Variants in SUCLG2 observed in about 807,000 individuals in gnomAD.
The protein encoded by SUCLG2 is succinate-CoA ligase GDP-forming subunit beta, also known as succinate--CoA ligase [GDP-forming] subunit beta, mitochondrial.
Under a neutral mutation model 47.9 loss-of-function variants are expected in SUCLG2, and 42 were observed. That is an observed-to-expected ratio of 0.88 (90% CI 0.69 to 1.14). The LOEUF is 1.14. Among genes scored for constraint, SUCLG2 ranks in the 50% most tolerant of loss-of-function variants. The pLI is 0.00. For missense variants in SUCLG2, 571 were observed against 525.9 expected (o/e 1.09, Z -0.84); for synonymous variants, 195 against 197.3 (o/e 0.99, Z 0.10).
At chr3:67,462,138 T>A (rs544894263) in intron 9 of SUCLG2, among the ~76,000 whole-genome samples, 1 of 152,216 alleles carries the variant, frequency 6.6e-6, no homozygotes, top group East Asian at 1.9e-4. Context: ...GCACTTTAGG[T>A]CTCAGAAGCA....
intron 9 of SUCLG2, among the ~76,000 whole-genome samples, chr3:67,441,283 G>A (rs1404946459): frequency 6.6e-6 from 1 of 151,950 alleles, no homozygotes; most frequent in African/African-American, 2.4e-5. Context: ...GTAGATGACA[G>A]GTTGATGGGT....
intron 4 of SUCLG2, among the ~76,000 whole-genome samples, 199 bp downstream of exon 4, chr3:67,527,933 T>C (rs145397629): frequency 0.013 from 1,915 of 152,288 alleles, 40 homozygotes; most frequent in African/African-American, 0.044. Flanking sequence ...TGATAATAAA[T>C]AATATTACTA....
intron 1 of SUCLG2, among the ~76,000 whole-genome samples, chr3:67,639,585 G>A (rs1231329771): frequency 6.6e-6 from 1 of 152,028 alleles, no homozygotes; most frequent in Non-Finnish European, 1.5e-5. Flanking sequence ...TGCCCTTAAA[G>A]AACCTTGAAG....
At chr3:67,548,961 G>A (rs549790485) in intron 2 of SUCLG2, among the ~76,000 whole-genome samples, 65 of 152,204 alleles carry the variant, frequency 4.3e-4, no homozygotes, top group Admixed American at 3.2e-3. Context: ...ATCAGTCACA[G>A]TCAATTATAT....
rs562038006 is a variant in SUCLG2, at chr3:67,477,141, C to T, written c.1062+18657G>A. ...CTGTATCACTCCTTCTCAAAGTGGC[C>T]GCACTGTGGCATCACCTGAACAGCT... On this transcript the variant is annotated intron_variant, in intron 9 of 10. Transcript: ENST00000307227. 3.9e-5 allele frequency among the ~76,000 whole-genome samples: 6 copies of T among 152,228 alleles called. No homozygotes were observed. The South Asian group carries it at 6.2e-4, about 16-fold the overall frequency.
intron 8 of SUCLG2, among the ~76,000 whole-genome samples, chr3:67,496,242 C>G (rs1005349617): frequency 2.6e-5 from 4 of 152,050 alleles, no homozygotes; most frequent in African/African-American, 9.7e-5. Context: ...CGATTTGGGC[C>G]AGTAGTAAAA....
At chr3:67,416,313 A>G (rs1214118319) in intron 9 of SUCLG2, among the ~76,000 whole-genome samples, 2 of 152,218 alleles carry the variant, frequency 1.3e-5, no homozygotes, top group South Asian at 4.1e-4. Context: ...AATAAAATGT[A>G]TATGCTTTTA....
intron 7 of SUCLG2, among the ~76,000 whole-genome samples, chr3:67,498,776 T>C (rs1705418999): frequency 6.6e-6 from 1 of 152,214 alleles, no homozygotes; most frequent in Non-Finnish European, 1.5e-5. Flanking sequence ...GTCTAGTATT[T>C]CCAAAAGATT....
chr3:67,504,463 T>C (rs1705584050), intron 7 of SUCLG2, among the ~76,000 whole-genome samples: 1 of 152,224 alleles, frequency 6.6e-6, no homozygotes, highest in Non-Finnish European at 1.5e-5. Context: ...TCACGGAATC[T>C]TAGCCAGATA....
At chr3:67,462,564 C>T (rs76457347) in intron 9 of SUCLG2, among the ~76,000 whole-genome samples, 2,119 of 152,310 alleles carry the variant, frequency 0.014, 17 homozygotes, top group Non-Finnish European at 0.022. Flanking sequence ...TGCCCAGGAA[C>T]GGGCTAGAGG....
chr3:67,557,561 T>C (rs536735111), intron 2 of SUCLG2, among the ~76,000 whole-genome samples: 1 of 152,278 alleles, frequency 6.6e-6, no homozygotes, highest in East Asian at 1.9e-4. Context: ...ATGTTTTTAT[T>C]TGAACTTACT....
chr3:67,645,059 G>A (rs1443183460), intron 1 of SUCLG2, among the ~76,000 whole-genome samples: 1 of 152,066 alleles, frequency 6.6e-6, no homozygotes, highest in African/African-American at 2.4e-5. Flanking sequence ...CTTACCATAA[G>A]CGTAACATTA....
At chr3:67,571,678 A>G (rs569616415) in intron 2 of SUCLG2, among the ~76,000 whole-genome samples, 6 of 152,334 alleles carry the variant, frequency 3.9e-5, no homozygotes, top group African/African-American at 1.2e-4. Context: ...TTCACCCTAT[A>G]TCATTTAATT....
chr3:67,519,155 G>A (rs954581777), intron 5 of SUCLG2, among the ~76,000 whole-genome samples: 4 of 151,956 alleles, frequency 2.6e-5, no homozygotes, highest in Admixed American at 6.6e-5. Context: ...TGGGTCCCCC[G>A]GTTTTCTCCC....
chr3:67,396,867 T>C (rs141643627), intron 10 of SUCLG2, among the ~76,000 whole-genome samples: 36,195 of 152,072 alleles, frequency 0.24, 4,818 homozygotes, highest in African/African-American at 0.35. Flanking sequence ...GCTGGTTCAA[T>C]ATACGAAAAT....
chr3:67,488,285 T>C (rs1270461357), intron 9 of SUCLG2, among the ~76,000 whole-genome samples: 1 of 152,136 alleles, frequency 6.6e-6, no homozygotes, highest in Non-Finnish European at 1.5e-5. Flanking sequence ...AGCCAATTTC[T>C]TAGGCAAGCC....
chr3:67,460,599 T>C (rs1198149412), intron 9 of SUCLG2, among the ~76,000 whole-genome samples: 1 of 152,154 alleles, frequency 6.6e-6, no homozygotes, highest in Non-Finnish European at 1.5e-5. Flanking sequence ...GTCATTAATA[T>C]CACATTTTAC....
chr3:67,447,231 G>C (rs1703948437), intron 9 of SUCLG2, among the ~76,000 whole-genome samples: 1 of 152,056 alleles, frequency 6.6e-6, no homozygotes, highest in Non-Finnish European at 1.5e-5. Context: ...AATAATACTA[G>C]AAGTACCATA....
chr3:67,572,676 A>G (rs1327238851), intron 2 of SUCLG2, among the ~76,000 whole-genome samples: 2 of 152,146 alleles, frequency 1.3e-5, no homozygotes, highest in African/African-American at 4.8e-5. Flanking sequence ...ACCACAGACT[A>G]CAGGTTAAAA....
Sources: allele counts gnomAD v4.1 joint callset (sites outside exome capture counted in the v4.1 genomes callset), GRCh38; gene constraint gnomAD v4.1.1; transcripts MANE v1.5; gene names NCBI Gene and HGNC (gene_info 2026-07-23, HGNC 2026-07-21).